Variants in COL14A1 observed in about 807,000 individuals in gnomAD.
COL14A1 encodes collagen alpha-1(XIV) chain.
In COL14A1, 136 loss-of-function variants were observed where a neutral mutation model predicts 230.3. The ratio of observed to expected loss-of-function variants is 0.59; its 90% CI spans 0.51 to 0.68. COL14A1 has a LOEUF of 0.68. Ranked by LOEUF, COL14A1 falls within the 30% of genes least tolerant of loss-of-function variation. COL14A1 has a pLI of 0.00. For synonymous variants in COL14A1, 792 were observed against 784.1 expected, an observed-to-expected ratio of 1.01 and a Z score of -0.17; for missense variants, 1,976 against 2,215.8, an observed-to-expected ratio of 0.89 and a Z score of 2.17.
chr8:120,278,299 C>T lies in COL14A1; in HGVS notation c.3337+65C>T, dbSNP rs574892798. The stretch of plus-strand genomic sequence containing the variant: ...CATTATTTGTAACTACTGAAATGAC[C>T]TTTTATTTTAAGGCATAGTAATTTT... On this transcript the variant is annotated intron_variant, in intron 27 of 47. Transcript: ENST00000297848. 9.2e-6 allele frequency: 14 copies of T among 1,523,830 alleles called. No homozygotes were observed. In the East Asian group the frequency reaches 3.2e-4, roughly 35 times the overall value. The allele number at this position is 1,523,830 out of a possible 1,614,324, so 94.4% of individuals were successfully genotyped here.
intron 5 of COL14A1, among the ~76,000 whole-genome samples, chr8:120,188,757 C>T (rs574065708): frequency 6.6e-6 from 1 of 152,244 alleles, no homozygotes; most frequent in African/African-American, 2.4e-5. Flanking sequence ...GGCTTGCAGA[C>T]AAAAAGGATT....
chr8:120,320,304 T>G (rs1821393826), intron 40 of COL14A1, among the ~76,000 whole-genome samples: 1 of 152,226 alleles, frequency 6.6e-6, no homozygotes, highest in Non-Finnish European at 1.5e-5. Flanking sequence ...TTATAATATT[T>G]TATAAGGCTT....
intron 1 of COL14A1, among the ~76,000 whole-genome samples, chr8:120,137,428 T>C (rs1190239903): frequency 5.3e-5 from 8 of 152,142 alleles, no homozygotes; most frequent in Non-Finnish European, 8.8e-5. Context: ...GTTTTGTTAA[T>C]TTCTACTAAT....
chr8:120,367,623 C>T (rs1823446988), intron 46 of COL14A1, among the ~76,000 whole-genome samples: 1 of 152,042 alleles, frequency 6.6e-6, no homozygotes, highest in Non-Finnish European at 1.5e-5. Flanking sequence ...AATCATGTAG[C>T]CTCCAAGAGA....
intron 45 of COL14A1, among the ~76,000 whole-genome samples, chr8:120,356,917 G>A (rs909647497): frequency 2.3e-4 from 35 of 152,050 alleles, no homozygotes; most frequent in Non-Finnish European, 4.7e-4. Context: ...CTAGTGGATT[G>A]TGTTTTCCTA....
At position 120,208,333 on chromosome 8, in the gene COL14A1, T is replaced by A; in HGVS notation, c.1293T>A (p.Ser431Arg). ...AVFAIYAHTA[S>R]EGLRGTETTL... is the part of the protein sequence containing the mutation. ...TTGCAATCTATGCCCACACTGCTAG[T>A]GAAGGCCTACGGGGAACTGAAACTA... The change falls in exon 11 of 48, where the codon AGT becomes AGA. Residue 431 changes from serine (S) to arginine (R), a missense_variant. Transcript: ENST00000297848. 6.2e-7 allele frequency: 1 copy of A among 1,613,694 alleles called. No individual in the cohort carries two copies. The highest frequency in any genetic ancestry group is 1.7e-5 in the Admixed American group (1 of 59,996).
At chr8:120,221,560 G>GCACACGCA (rs1817935228) in intron 14 of COL14A1, among the ~76,000 whole-genome samples, 1 of 149,294 alleles carries the variant, frequency 6.7e-6, no homozygotes, top group African/African-American at 2.5e-5. Flanking sequence ...ACACACACAT[G>GCACACGCA]CACACACACA....
At chr8:120,370,496 C>G in intron 47 of COL14A1, 2 of 1,501,534 alleles carry the variant, frequency 1.3e-6, no homozygotes, top group Non-Finnish European at 1.8e-6. Flanking sequence ...CCTGCTTCTT[C>G]TGCATCCCTG....
intron 5 of COL14A1, among the ~76,000 whole-genome samples, chr8:120,189,919 A>C (rs1367047185): frequency 2.0e-5 from 3 of 151,728 alleles, no homozygotes; most frequent in Admixed American, 1.3e-4. Context: ...AGTCTTTGCT[A>C]TCGTGAATAG....
At chr8:120,298,101 C>G (rs193298240) in intron 35 of COL14A1, among the ~76,000 whole-genome samples, 2 of 152,136 alleles carry the variant, frequency 1.3e-5, no homozygotes, top group Admixed American at 1.3e-4. Flanking sequence ...ATCTTGGGAT[C>G]ACATTGGCCA....
chr8:120,208,086 T>C lies in COL14A1; in HGVS notation c.1192-146T>C, dbSNP rs1374717005. 7.1e-6 allele frequency: 5 copies of C among 703,906 alleles called. No homozygotes were observed. In the Admixed American group the frequency reaches 1.2e-4, roughly 17 times the overall value. The allele number at this position is 703,906 out of a possible 1,614,324, so 43.6% of individuals were successfully genotyped here. On this transcript the variant is annotated intron_variant, in intron 10 of 47. Coordinates refer to ENST00000297848, the MANE Select transcript of COL14A1 (RefSeq NM_021110.4). Reference sequence around the variant, plus strand: ...ACTTCACTTAGGAATTCAAAGAGAGTTGACTGCCACAGTGGAAAGGGGGAT... The same window carrying C: ...ACTTCACTTAGGAATTCAAAGAGAGCTGACTGCCACAGTGGAAAGGGGGAT...
rs112348032 is a variant in COL14A1, at chr8:120,371,589, G to T, written c.*358G>T. On this transcript the variant is annotated 3_prime_UTR_variant, in exon 48 of 48. Coordinates refer to ENST00000297848, the MANE Select transcript of COL14A1 (RefSeq NM_021110.4). ...TGAACAAACAGATATGATTGTGTTT[G>T]AGGGAAATATGTCCCTAGCAGGAAA... 2.5e-6 allele frequency: 1 copy of T among 398,446 alleles called. No homozygotes were observed. Among genetic ancestry groups the T allele is most frequent in the African/African-American group, 2.1e-5 (1 of 48,682 alleles). The allele number at this position is 398,446 out of a possible 1,614,324, so 24.7% of individuals were successfully genotyped here. A position where few individuals can be genotyped will look rare whatever the true frequency, so the allele number is the denominator to read the frequency against.
Position 120,270,021 on chromosome 8 carries a change from T to C in COL14A1, c.3074-14T>C, listed in dbSNP as rs369249301. ...CCCCTTATCTCTGACTCAAAATTCATTGTTGGTCTTCAGTATGTAAGGCGG... is the reference window on the plus strand; with the variant it reads ...CCCCTTATCTCTGACTCAAAATTCACTGTTGGTCTTCAGTATGTAAGGCGG... On this transcript the variant is annotated splice_polypyrimidine_tract_variant and intron_variant, in intron 25 of 47. Transcript: ENST00000297848. The C allele has an allele frequency of 2.8e-5, 45 of 1,609,864 alleles. No individual in the cohort carries two copies. The highest frequency in any genetic ancestry group is 4.0e-5 in the African/African-American group (3 of 74,646).
intron 42 of COL14A1, among the ~76,000 whole-genome samples, chr8:120,341,073 G>T (rs187357078): frequency 6.6e-6 from 1 of 152,142 alleles, no homozygotes; most frequent in Admixed American, 6.5e-5. Context: ...ATTGCTGCAC[G>T]ATTCCAATTT....
intron 1 of COL14A1, among the ~76,000 whole-genome samples, chr8:120,146,267 C>G (rs1025929819): frequency 2.0e-5 from 3 of 152,048 alleles, no homozygotes; most frequent in African/African-American, 7.2e-5. Flanking sequence ...TTGGTGTGAA[C>G]CATGGGAAAA....
chr8:120,208,146 T>G, intron 10 of COL14A1, 86 bp from the exon 11 acceptor site: 2 of 1,310,382 alleles, frequency 1.5e-6, no homozygotes, highest in South Asian at 3.2e-5. Context: ...ATGAAATATT[T>G]TTGCTGGACG....
chr8:120,230,253 TTTTCCTAC>T (rs1423972283), intron 18 of COL14A1, among the ~76,000 whole-genome samples: 1 of 152,118 alleles, frequency 6.6e-6, no homozygotes, highest in Non-Finnish European at 1.5e-5. Flanking sequence ...GGTCTATTGT[TTTTCCTAC>T]ATTAGTTGTT....
At chr8:120,284,592 G>A (rs1452692635) in intron 32 of COL14A1, among the ~76,000 whole-genome samples, 2 of 152,088 alleles carry the variant, frequency 1.3e-5, no homozygotes, top group African/African-American at 4.8e-5. Flanking sequence ...GCTTATTTCC[G>A]ACTAGTATTT....
chr8:120,161,731 C>T (rs530533555), intron 3 of COL14A1, among the ~76,000 whole-genome samples: 34 of 152,144 alleles, frequency 2.2e-4, no homozygotes, highest in African/African-American at 4.1e-4. Context: ...GGCGCAATAT[C>T]GGCTCAACTG....
Sources: allele counts gnomAD v4.1 joint callset (sites outside exome capture counted in the v4.1 genomes callset), GRCh38; gene constraint gnomAD v4.1.1; transcripts MANE v1.5; gene names NCBI Gene and HGNC (gene_info 2026-07-23, HGNC 2026-07-21).